Variants in DNAH14 observed in about 807,000 individuals in gnomAD.
DNAH14 encodes axonemal beta dynein heavy chain 14.
DNAH14 carries 478 observed loss-of-function variants against 520.9 expected under a neutral mutation model. That is an observed-to-expected ratio of 0.92 (90% CI 0.85 to 0.99). DNAH14 has a LOEUF of 0.99. Ranked by LOEUF, DNAH14 falls within the 50% of genes least tolerant of loss-of-function variation. The pLI is 0.00. For synonymous variants in DNAH14, 1,581 were observed against 1,757.2 expected (o/e 0.90, Z 2.51); for missense variants, 4,831 against 5,234.5 (o/e 0.92, Z 2.38).
At chr1:225,172,279 A>G (rs1315183528) in intron 36 of DNAH14, among the ~76,000 whole-genome samples, 2 of 152,158 alleles carry the variant, frequency 1.3e-5, no homozygotes, top group East Asian at 3.9e-4. Flanking sequence ...CAGGCAGGAG[A>G]AGGAAATAAA....
chr1:225,217,512 G>A (rs561245032), intron 41 of DNAH14, among the ~76,000 whole-genome samples: 65 of 152,346 alleles, frequency 4.3e-4, no homozygotes, highest in African/African-American at 1.5e-3. Context: ...GGAATCTGCA[G>A]AGGCAGGCAG....
In DNAH14 at chr1:225,253,579, T is replaced by C. The variant is rs530228706; in HGVS notation, c.6865+1162T>C. Among the ~76,000 whole-genome samples, 182 of 151,866 alleles carry C rather than the reference T, an allele frequency of 1.2e-3. 2 individuals carry two copies. Among genetic ancestry groups the C allele is most frequent in the Middle Eastern group, 6.8e-3 (2 of 294 alleles). ...AGTCTCCTTTTATGGTTGAGTAGGA[T>C]TTTTTTTCTTATACTTCTTTACTTA... is the stretch of plus-strand genomic sequence containing the variant. On this transcript the variant is annotated intron_variant, in intron 44 of 85. Coordinates refer to ENST00000682510, the MANE Select transcript of DNAH14 (RefSeq NM_001367479.1).
chr1:225,206,052 C>T lies in DNAH14; in HGVS notation c.6059C>T (p.Thr2020Ile). The change falls in exon 40 of 86, where the codon ACT (threonine) becomes ATT (isoleucine). Residue 2020 changes from threonine (T) to isoleucine (I), a missense_variant. By Grantham distance (89) the Thr-to-Ile change is moderately conservative (BLOSUM62 -1). Transcript: ENST00000682510. ...VENLNSVLDD[T>I]RTLCLANSER... is the part of the protein sequence containing the mutation. ...AATCTGAACTCTGTGCTAGATGATA[C>T]TAGAACATTGTGCCTAGCAAACAGT... The T allele has an allele frequency of 1.9e-6, 3 of 1,551,574 alleles. No individual in the cohort carries two copies. Among genetic ancestry groups the T allele is most frequent in the South Asian group, 2.4e-5 (2 of 84,058 alleles).
chr1:225,165,027 G>A (rs1017146916), intron 35 of DNAH14, among the ~76,000 whole-genome samples: 2 of 152,028 alleles, frequency 1.3e-5, no homozygotes, highest in African/African-American at 4.8e-5. Flanking sequence ...AGTTCTCAGA[G>A]TAGGTTTTTG....
chr1:225,390,507 T>C (rs1305800209), intron 83 of DNAH14, among the ~76,000 whole-genome samples: 2 of 152,036 alleles, frequency 1.3e-5, no homozygotes, highest in Non-Finnish European at 2.9e-5. Flanking sequence ...CACAAAAAGC[T>C]CTCAATAAAT....
At chr1:225,252,141 G>A (rs1037303044) in intron 43 of DNAH14, among the ~76,000 whole-genome samples, 160 bp from the exon 44 acceptor site, 4 of 152,204 alleles carry the variant, frequency 2.6e-5, no homozygotes, top group African/African-American at 7.2e-5. Flanking sequence ...ACACATTGAA[G>A]ATTGAGGGGA....
intron 8 of DNAH14, among the ~76,000 whole-genome samples, chr1:224,984,987 C>T (rs537774883): frequency 2.0e-5 from 3 of 152,062 alleles, no homozygotes; most frequent in Non-Finnish European, 2.9e-5. Flanking sequence ...ATGGATGCAG[C>T]AATCAGGGAA....
At chr1:225,199,579 G>T (rs1443537182) in intron 38 of DNAH14, among the ~76,000 whole-genome samples, 1 of 152,014 alleles carries the variant, frequency 6.6e-6, no homozygotes, top group Non-Finnish European at 1.5e-5. Context: ...TTTCCATCTT[G>T]ATTTCATTTT....
Position 225,007,475 on chromosome 1 carries a change from C to A in DNAH14, c.1038C>A (p.Thr346=). 6.5e-7 allele frequency: 1 copy of A among 1,540,708 alleles called. No homozygotes were observed. Among genetic ancestry groups the A allele is most frequent in the Non-Finnish European group, 8.8e-7 (1 of 1,140,748 alleles). ...GTGAAGAGCAGTTACAGCAAGCTAC[C>A]CAGGCATTGAAACAACTTGAGGACA... The part of the protein sequence containing the change: ...EFCEEQLQQA[T]QALKQLEDIR... The change falls in exon 10 of 86, where the codon ACC becomes ACA. Residue 346 remains threonine (T), a synonymous_variant. Transcript: ENST00000682510.
At chr1:225,317,625 G>GA (rs553183727) in intron 60 of DNAH14, among the ~76,000 whole-genome samples, 2,077 of 149,616 alleles carry the variant, frequency 0.014, 44 homozygotes, top group African/African-American at 0.048. Flanking sequence ...CAGTAAAAAA[G>GA]AAAAAAAAAG....
chr1:225,145,746 T>G (rs2079873166), intron 30 of DNAH14, among the ~76,000 whole-genome samples: 1 of 152,232 alleles, frequency 6.6e-6, no homozygotes, highest in South Asian at 2.1e-4. Context: ...TACATTTATT[T>G]ACTGAAAAGG....
intron 21 of DNAH14, among the ~76,000 whole-genome samples, chr1:225,096,188 G>A (rs3120992): frequency 0.073 from 11,084 of 151,948 alleles, 627 homozygotes; most frequent in East Asian, 0.24. Flanking sequence ...CACCATGTTG[G>A]CCAGGCTGGT....
intron 17 of DNAH14, among the ~76,000 whole-genome samples, chr1:225,067,360 CT>C (rs1230610993): frequency 2.0e-5 from 3 of 152,104 alleles, no homozygotes; most frequent in Non-Finnish European, 4.4e-5. Context: ...TTTATCTAGT[CT>C]ATCATTGATG....
chr1:225,164,391 T>A (rs1275209843), intron 35 of DNAH14, among the ~76,000 whole-genome samples: 1 of 152,188 alleles, frequency 6.6e-6, no homozygotes, highest in African/African-American at 2.4e-5. Context: ...ACTTTCTATA[T>A]CTTTGTTTGA....
intron 8 of DNAH14, among the ~76,000 whole-genome samples, chr1:224,979,463 C>T (rs756213088): frequency 2.0e-5 from 3 of 152,194 alleles, no homozygotes; most frequent in Admixed American, 6.5e-5. Context: ...AGATTGGAAT[C>T]GCCCATCCCA....
chr1:225,276,622 G>A (rs1047554750), intron 53 of DNAH14, among the ~76,000 whole-genome samples: 2 of 152,068 alleles, frequency 1.3e-5, no homozygotes, highest in South Asian at 4.1e-4. Flanking sequence ...CCTGGGCCAG[G>A]TGTGGTGGCT....
chr1:225,361,070 C>G (rs1575018111), intron 75 of DNAH14, among the ~76,000 whole-genome samples, 179 bp downstream of exon 75: 1 of 152,332 alleles, frequency 6.6e-6, no homozygotes, highest in East Asian at 1.9e-4. Flanking sequence ...GAAAACTACA[C>G]TAAGAATACA....
intron 7 of DNAH14, 66 bp downstream of exon 7, chr1:224,968,940 T>A: frequency 8.9e-7 from 1 of 1,126,882 alleles, no homozygotes; most frequent in Non-Finnish European, 1.3e-6. Context: ...GTTGCCTGAG[T>A]GACATCTGGG....
At chr1:225,278,901 C>T (rs2093558960) in intron 54 of DNAH14, among the ~76,000 whole-genome samples, 1 of 152,232 alleles carries the variant, frequency 6.6e-6, no homozygotes, top group Admixed American at 6.5e-5. Context: ...TATCTTCCCT[C>T]TCAGAGCCCC....
Sources: gnomAD v4.1 joint callset for allele counts (sites outside exome capture counted in the v4.1 genomes callset) on GRCh38, gnomAD v4.1.1 for gene constraint, MANE v1.5 for transcripts, NCBI Gene and HGNC (gene_info 2026-07-23, HGNC 2026-07-21) for gene names.